The following CDH18 variants were observed in gnomAD, a reference collection of about 807,000 sequenced individuals.
CDH18 encodes cadherin 18, also known as cadherin-18.
A neutral mutation model predicts 67.9 loss-of-function variants in CDH18; 31 were observed. That is an observed-to-expected ratio of 0.46 (90% CI 0.34 to 0.62). The LOEUF is 0.62. Among genes scored for constraint, CDH18 ranks in the 20% least tolerant of loss-of-function variants. The probability of loss-of-function intolerance (pLI) is 0.01; values close to 1 mark genes in which losing one functional copy is unlikely to be tolerated. For synonymous variants in CDH18, 362 were observed against 347.2 expected, an observed-to-expected ratio of 1.04 and a Z score of -0.48; for missense variants, 890 against 975.5, an observed-to-expected ratio of 0.91 and a Z score of 1.17.
intron 8 of CDH18, 73 bp from the exon 9 acceptor site, chr5:19,544,078 T>A (rs570149560): frequency 3.2e-6 from 2 of 620,634 alleles, no homozygotes; most frequent in Non-Finnish European, 5.2e-6. Context: ...GAAAGTATTA[T>A]ATCTAAATAC....
At chr5:19,540,169 C>T (rs1358705906) in intron 9 of CDH18, among the ~76,000 whole-genome samples, 1 of 152,164 alleles carries the variant, frequency 6.6e-6, no homozygotes, top group Admixed American at 6.5e-5. Flanking sequence ...GGCTACAGGT[C>T]CCATGCAAGT....
At chr5:19,522,086 A>G (rs1239061260) in intron 9 of CDH18, among the ~76,000 whole-genome samples, 2 of 152,166 alleles carry the variant, frequency 1.3e-5, no homozygotes, top group Admixed American at 1.3e-4. Context: ...CAACAAAAAA[A>G]GACGGAAGAG....
Position 20,413,715 on chromosome 5 carries a change from C to T in CDH18, c.-579-158210G>A, listed in dbSNP as rs563548565. On this transcript the variant is annotated intron_variant, in intron 1 of 14. Coordinates refer to the CDH18 transcript ENST00000507958. ...TCTTTGTAGGTTCTGGATATTAGCCCTTTGTCAGATGGGTAGAGTGCAAAA... is the reference window on the plus strand; with the variant it reads ...TCTTTGTAGGTTCTGGATATTAGCCTTTTGTCAGATGGGTAGAGTGCAAAA... Among the ~76,000 whole-genome samples, 6 of 152,274 alleles carry T rather than the reference C, an allele frequency of 3.9e-5. No homozygotes were observed. In the South Asian group the frequency reaches 1.2e-3, roughly 32 times the overall value.
chr5:19,873,391 A>G (rs1786545198), intron 2 of CDH18, among the ~76,000 whole-genome samples: 1 of 152,112 alleles, frequency 6.6e-6, no homozygotes, highest in Admixed American at 6.5e-5. Flanking sequence ...AGAAAAACAT[A>G]GTCGGTGAGG....
chr5:19,490,602 A>G (rs554292114), intron 11 of CDH18, among the ~76,000 whole-genome samples: 19 of 151,482 alleles, frequency 1.3e-4, no homozygotes, highest in South Asian at 4.2e-4. Context: ...TTTAGTAGAG[A>G]CAGGGTTTCA....
intron 2 of CDH18, among the ~76,000 whole-genome samples, chr5:19,861,067 A>T (rs538914111): frequency 6.6e-6 from 1 of 152,324 alleles, no homozygotes; most frequent in Admixed American, 6.5e-5. Context: ...TTTTTAACAG[A>T]AACAAAGTAT....
Position 19,891,079 on chromosome 5 carries a change from C to T in CDH18, c.-256-51837G>A, listed in dbSNP as rs1039074476. Among the ~76,000 whole-genome samples the T allele has an allele frequency of 3.3e-5, 5 of 152,128 alleles. No individual in the cohort carries two copies. In the East Asian group the frequency reaches 9.6e-4, roughly 29 times the overall value. On this transcript the variant is annotated intron_variant, in intron 2 of 12. Transcript: ENST00000382275. The stretch of plus-strand genomic sequence containing the variant: ...GTAATTCTTACTTCCTTGTCAATTT[C>T]TACCCTTGGCACTGGCATCCTTTGG...
intron 5 of CDH18, among the ~76,000 whole-genome samples, chr5:19,636,395 C>T (rs1753156135): frequency 6.6e-6 from 1 of 151,594 alleles, no homozygotes; most frequent in South Asian, 2.1e-4. Flanking sequence ...TTTTTCCAAC[C>T]AAAAATACAT....
At chr5:19,661,652 C>A (rs1757196971) in intron 5 of CDH18, among the ~76,000 whole-genome samples, 1 of 151,950 alleles carries the variant, frequency 6.6e-6, no homozygotes, top group Non-Finnish European at 1.5e-5. Flanking sequence ...CCAGAATGAC[C>A]TGTTCTTTCT....
intron 2 of CDH18, among the ~76,000 whole-genome samples, chr5:20,230,722 AT>A (rs1321034984): frequency 1.3e-5 from 2 of 152,084 alleles, no homozygotes; most frequent in African/African-American, 4.8e-5. Flanking sequence ...AGTTTATTCA[AT>A]TTAATAAAAT....
intron 2 of CDH18, among the ~76,000 whole-genome samples, chr5:19,922,770 A>T (rs1004118214): frequency 6.6e-6 from 1 of 152,178 alleles, no homozygotes; most frequent in African/African-American, 2.4e-5. Flanking sequence ...ACTGGAGAAC[A>T]CATGAATAAT....
chr5:19,698,451 G>A (rs1196382117), intron 5 of CDH18, among the ~76,000 whole-genome samples: 1 of 151,928 alleles, frequency 6.6e-6, no homozygotes, highest in Admixed American at 6.6e-5. Context: ...TATGGATCTT[G>A]ACTATATCAA....
At chr5:19,708,353 T>A (rs972454040) in intron 5 of CDH18, among the ~76,000 whole-genome samples, 3 of 152,148 alleles carry the variant, frequency 2.0e-5, no homozygotes, top group Admixed American at 6.5e-5. Context: ...TTAATTTGTG[T>A]TGTTTGTCTT....
chr5:20,002,156 C>G (rs1736497986), intron 2 of CDH18, among the ~76,000 whole-genome samples: 1 of 152,170 alleles, frequency 6.6e-6, no homozygotes, highest in Non-Finnish European at 1.5e-5. Context: ...TACATTTCTA[C>G]TATGTTTTGA....
At chr5:20,073,323 G>A (rs958865972) in intron 2 of CDH18, among the ~76,000 whole-genome samples, 1 of 151,890 alleles carries the variant, frequency 6.6e-6, no homozygotes, top group Non-Finnish European at 1.5e-5. Context: ...GGGGGTTAGT[G>A]GGTGGAGCTG....
chr5:19,780,680 G>A (rs991626800), intron 3 of CDH18, among the ~76,000 whole-genome samples: 1 of 152,014 alleles, frequency 6.6e-6, no homozygotes, highest in African/African-American at 2.4e-5. Flanking sequence ...AGAGCAAAAT[G>A]ATTTTCCAAT....
At chr5:20,121,421 G>GT (rs141461399) in intron 2 of CDH18, among the ~76,000 whole-genome samples, 7 of 151,996 alleles carry the variant, frequency 4.6e-5, no homozygotes, top group East Asian at 3.9e-4. Flanking sequence ...ATTAAATCCT[G>GT]TTTTTTTGTT....
chr5:19,676,935 A>G (rs1759573214), intron 5 of CDH18, among the ~76,000 whole-genome samples: 1 of 152,012 alleles, frequency 6.6e-6, no homozygotes, highest in Admixed American at 6.6e-5. Context: ...TTTAAAATAA[A>G]CTTCCACTCC....
chr5:19,719,299 T>C (rs1332052805), intron 5 of CDH18, among the ~76,000 whole-genome samples: 1 of 152,030 alleles, frequency 6.6e-6, no homozygotes, highest in Non-Finnish European at 1.5e-5. Context: ...TTTGTGTGCA[T>C]GTGTCTTTAT....
Sources: allele counts gnomAD v4.1 joint callset (sites outside exome capture counted in the v4.1 genomes callset), GRCh38; gene constraint gnomAD v4.1.1; transcripts MANE v1.5; gene names NCBI Gene and HGNC (gene_info 2026-07-23, HGNC 2026-07-21).